SH2D7: variants seen among roughly 807,000 people sequenced by gnomAD.
SH2D7 encodes SH2 domain-containing protein 7.
A neutral mutation model predicts 40.8 loss-of-function variants in SH2D7; 32 were observed. The ratio of observed to expected loss-of-function variants is 0.78; its 90% CI spans 0.59 to 1.05. SH2D7 has a LOEUF of 1.05. Among genes scored for constraint, SH2D7 ranks in the 50% least tolerant of loss-of-function variants. The pLI, the probability that SH2D7 is intolerant of heterozygous loss-of-function variation, is 0.00. For missense variants in SH2D7, 559 were observed against 566.6 expected, an observed-to-expected ratio of 0.99 and a Z score of 0.14; for synonymous variants, 195 against 221.5, an observed-to-expected ratio of 0.88 and a Z score of 1.06.
intron 4 of SH2D7, among the ~76,000 whole-genome samples, chr15:78,100,553 T>C (rs903598245): frequency 6.6e-6 from 1 of 151,916 alleles, no homozygotes; most frequent in East Asian, 1.9e-4. Context: ...AAAAATTACC[T>C]GGGCATGATG....
chr15:78,099,459 G>T (rs2141873375), intron 4 of SH2D7, among the ~76,000 whole-genome samples: 1 of 149,798 alleles, frequency 6.7e-6, no homozygotes, highest in Non-Finnish European at 1.5e-5. Context: ...GATTACAGGT[G>T]CACGCCACCA....
chr15:78,101,667 T>A lies in SH2D7; in HGVS notation c.1305+109T>A. The A allele has an allele frequency of 3.9e-6, 5 of 1,289,340 alleles. No individual in the cohort carries two copies. The South Asian group carries it at 7.9e-5, about 20-fold the overall frequency. The allele number at this position is 1,289,340 out of a possible 1,614,324, so 79.9% of individuals were successfully genotyped here. A position where few individuals can be genotyped will look rare whatever the true frequency, so the allele number is the denominator to read the frequency against. ...GGCAGGTCAGGTCACCGCCACTGCCTGGAAGTACACAGAATTTTCCAGCCC... is the reference window on the plus strand; with the variant it reads ...GGCAGGTCAGGTCACCGCCACTGCCAGGAAGTACACAGAATTTTCCAGCCC... On this transcript the variant is annotated intron_variant, in intron 5 of 5. Coordinates refer to ENST00000328828, the MANE Select transcript of SH2D7 (RefSeq NM_001101404.2).
Position 78,097,940 on chromosome 15 carries a change from G to A in SH2D7, c.278G>A (p.Arg93His), listed in dbSNP as rs751437371. ...CACTTGTGTTGCAGGGGCAGTGATC[G>A]CTGCCGACATTTTGTCATCAACCAG... ...GYILSYRGSDRCRHFVINQLR... is the reference protein window; with the variant it reads ...GYILSYRGSDHCRHFVINQLR... Residue 93 changes from arginine (R) to histidine (H), a missense_variant, in exon 3 of 6, where the codon CGC becomes CAC. By Grantham distance (29) the Arg-to-His change is conservative (BLOSUM62 0). Transcript: ENST00000328828. The A allele has an allele frequency of 8.7e-6, 14 of 1,613,738 alleles. No individual in the cohort carries two copies. Among genetic ancestry groups the A allele is most frequent in the South Asian group, 3.3e-5 (3 of 91,066 alleles).
Position 78,094,097 on chromosome 15 carries a change from A to G in SH2D7, c.177-15A>G. ...TAGGGCACAGACCCCAGCTAATGGC[A>G]TGTCTTCTGCCCAGGCAGACGGAGC... is the stretch of plus-strand genomic sequence containing the variant. On this transcript the variant is annotated splice_polypyrimidine_tract_variant and intron_variant, in intron 1 of 5. Transcript: ENST00000328828. 1 of 1,597,646 alleles carries G rather than the reference A, an allele frequency of 6.3e-7. No individual in the cohort carries two copies. The highest frequency in any genetic ancestry group is 8.5e-7 in the Non-Finnish European group (1 of 1,172,400).
At chr15:78,097,420 G>A (rs889566844) in intron 2 of SH2D7, among the ~76,000 whole-genome samples, 2 of 152,130 alleles carry the variant, frequency 1.3e-5, no homozygotes, top group African/African-American at 2.4e-5. Context: ...TTTACAGGCC[G>A]AAGAGGGGGT....
Position 78,104,309 on chromosome 15 carries a change from C to T in SH2D7, c.*794C>T, listed in dbSNP as rs914410633. On this transcript the variant is annotated 3_prime_UTR_variant, in exon 6 of 6. Transcript: ENST00000328828. The surrounding 1 kb of genome is among the most constrained non-coding windows in gnomAD (Gnocchi z 4.4). ...AGGTTGCATTTGTGGGAAATCTACTCTTAGTGACCACTTGGCTATGCAGCT... is the reference window on the plus strand; with the variant it reads ...AGGTTGCATTTGTGGGAAATCTACTTTTAGTGACCACTTGGCTATGCAGCT... 6.6e-6 allele frequency: 1 copy of T among 152,278 alleles called. No homozygotes were observed. Among genetic ancestry groups the T allele is most frequent in the African/African-American group, 2.4e-5 (1 of 41,456 alleles). 9.4% of individuals were successfully genotyped at this position (152,278 alleles called of 1,614,324 possible).
chr15:78,098,331 G>C, intron 3 of SH2D7, 53 bp from the exon 4 acceptor site: 2 of 1,595,190 alleles, frequency 1.3e-6, no homozygotes, highest in Non-Finnish European at 1.7e-6. Flanking sequence ...CAGGCAGCTG[G>C]AGACTGGCTG....
intron 3 of SH2D7, 99 bp from the exon 4 acceptor site, chr15:78,098,285 G>A (rs1370160491): frequency 1.4e-6 from 2 of 1,468,858 alleles, no homozygotes; most frequent in East Asian, 2.4e-5. Flanking sequence ...CAGAGACCTG[G>A]TGGGAATGTT....
chr15:78,095,373 T>C (rs1481281567), intron 2 of SH2D7, among the ~76,000 whole-genome samples: 1 of 152,232 alleles, frequency 6.6e-6, no homozygotes. Context: ...TCTTTTGTTT[T>C]GTTTCTTCCC....
Position 78,094,152 on chromosome 15 carries a change from T to C in SH2D7, c.217T>C (p.Phe73Leu). ...QLLRDKALGS[F>L]LIRLSDRATG... ...ACTCAGGGACAAAGCTCTTGGTTCC[T>C]TCCTTATCCGCCTCAGTGACCGAGC... is the stretch of plus-strand genomic sequence containing the variant. The change falls in exon 2 of 6, where the codon TTC becomes CTC. Residue 73 changes from phenylalanine (F) to leucine (L), a missense_variant. Physicochemically the swap from Phe to Leu is conservative, Grantham distance 22. Transcript: ENST00000328828. The C allele has an allele frequency of 1.2e-6, 2 of 1,609,314 alleles. No individual in the cohort carries two copies. The highest frequency in any genetic ancestry group is 8.5e-7 in the Non-Finnish European group (1 of 1,178,100).
At position 78,101,582 on chromosome 15, in the gene SH2D7, C is replaced by T. The variant is rs372284624; in HGVS notation, c.1305+24C>T. 1.1e-3 allele frequency: 1,630 copies of T among 1,541,906 alleles called. 1 individual carries two copies. The highest frequency in any genetic ancestry group is 1.2e-3 in the Non-Finnish European group (1,430 of 1,148,228). On this transcript the variant is annotated intron_variant, in intron 5 of 5. Transcript: ENST00000328828. The stretch of plus-strand genomic sequence containing the variant: ...AGGTGAGCTCCATGATGGGGTGGGG[C>T]GGCTCCCAGCCCTTAGAGAGCACCT...
intron 2 of SH2D7, among the ~76,000 whole-genome samples, chr15:78,096,605 CCTA>C: frequency 6.6e-6 from 1 of 152,222 alleles, no homozygotes; most frequent in East Asian, 1.9e-4. Flanking sequence ...AAGCAATTTT[CCTA>C]CCTCAGCCTC....
At position 78,098,255 on chromosome 15, in the gene SH2D7, G is replaced by A. The variant is rs1267706713; in HGVS notation, c.433-129G>A. The stretch of plus-strand genomic sequence containing the variant: ...TCCCTATTGGAAAAAGGGAGACTGT[G>A]GCAATGTCTTACCTGAGGTCAGAGA... On this transcript the variant is annotated intron_variant, in intron 3 of 5. Transcript: ENST00000328828. 5 of 1,394,898 alleles carry A rather than the reference G, an allele frequency of 3.6e-6. No individual in the cohort carries two copies. The South Asian group carries it at 5.4e-5, about 15-fold the overall frequency. The allele number at this position is 1,394,898 out of a possible 1,614,324, so 86.4% of individuals were successfully genotyped here.
At chr15:78,095,682 C>G (rs1014836924) in intron 2 of SH2D7, among the ~76,000 whole-genome samples, 12 of 152,134 alleles carry the variant, frequency 7.9e-5, no homozygotes, top group Admixed American at 2.6e-4. Context: ...CAAAACAATA[C>G]CATTTCTAGA....
At position 78,095,026 on chromosome 15, in the gene SH2D7, G is replaced by C. The variant is rs578003178; in HGVS notation, c.266+825G>C. Reference sequence around the variant, plus strand: ...CAGGGCTCCAGAGTAAACTTAAAAGGCTTCAGATTCTGATTCAAAATTGTC... The same window carrying C: ...CAGGGCTCCAGAGTAAACTTAAAAGCCTTCAGATTCTGATTCAAAATTGTC... On this transcript the variant is annotated intron_variant, in intron 2 of 5. Transcript: ENST00000328828. Among the ~76,000 whole-genome samples, 214 of 152,270 alleles carry C rather than the reference G, an allele frequency of 1.4e-3. 2 individuals are homozygous for C. The highest frequency in any genetic ancestry group is 4.8e-3 in the African/African-American group (198 of 41,538).
Position 78,098,098 on chromosome 15 carries a change from G to C in SH2D7, c.432+4G>C. 1 of 1,603,716 alleles carries C rather than the reference G, an allele frequency of 6.2e-7. No homozygotes were observed. The highest frequency in any genetic ancestry group is 8.5e-7 in the Non-Finnish European group (1 of 1,174,490). ...GCTGACTGCTGCCTGCCCCCGGGTA[G>C]GCGCCCCACTTCCCCAGGGTGAGGG... On this transcript the variant is annotated splice_donor_region_variant and intron_variant, in intron 3 of 5. Coordinates refer to ENST00000328828, the MANE Select transcript of SH2D7 (RefSeq NM_001101404.2).
intron 2 of SH2D7, among the ~76,000 whole-genome samples, chr15:78,097,166 C>T (rs2073977135): frequency 6.6e-6 from 1 of 152,204 alleles, no homozygotes. Context: ...ATGGGCAAGA[C>T]TAATCTATGC....
Position 78,101,482 on chromosome 15 carries a change from C to T in SH2D7, c.1229C>T (p.Pro410Leu). ...VHGYKRISGTPELSEPGNTYE... is the reference protein window; with the variant it reads ...VHGYKRISGTLELSEPGNTYE... ...GGCTACAAGAGGATCTCAGGGACCCCAGAGCTCTCAGAGCCTGGGAACACC... is the reference window on the plus strand; with the variant it reads ...GGCTACAAGAGGATCTCAGGGACCCTAGAGCTCTCAGAGCCTGGGAACACC... The change falls in exon 5 of 6, where the codon CCA becomes CTA. Residue 410 changes from proline (P) to leucine (L), a missense_variant. By Grantham distance (98) the Pro-to-Leu change is moderately conservative. Transcript: ENST00000328828. The T allele has an allele frequency of 6.2e-7, 1 of 1,613,360 alleles. No homozygotes were observed. The highest frequency in any genetic ancestry group is 8.5e-7 in the Non-Finnish European group (1 of 1,179,644).
In SH2D7 at chr15:78,101,200, G is replaced by T; in HGVS notation, c.947G>T (p.Gly316Val). The change falls in exon 5 of 6, where the codon GGA becomes GTA. Residue 316 changes from glycine (G) to valine (V), a missense_variant. Gly to Val is a moderately radical substitution (Grantham distance 109). Transcript: ENST00000328828. Reference sequence around the variant, plus strand: ...CCCACAGAGTCTCCCACTTCCTGGGGATGTTCTGATGCCATGGGATCCCTG... The same window carrying T: ...CCCACAGAGTCTCCCACTTCCTGGGTATGTTCTGATGCCATGGGATCCCTG... ...QGPTESPTSW[G>V]CSDAMGSLGA... 6.3e-7 allele frequency: 1 copy of T among 1,595,158 alleles called. No individual in the cohort carries two copies. The highest frequency in any genetic ancestry group is 8.5e-7 in the Non-Finnish European group (1 of 1,172,428).
Sources: allele counts gnomAD v4.1 joint callset (sites outside exome capture counted in the v4.1 genomes callset), GRCh38; gene constraint gnomAD v4.1.1; non-coding constraint Gnocchi (gnomAD v3.1); transcripts MANE v1.5; gene names NCBI Gene and HGNC (gene_info 2026-07-23, HGNC 2026-07-21).